Variants in NT5DC1 observed in about 807,000 individuals in gnomAD.
NT5DC1 encodes 5'-nucleotidase domain-containing protein 1.
In NT5DC1, 42 loss-of-function variants were observed where a neutral mutation model predicts 59.4. The observed-to-expected ratio is 0.71, with a 90% CI of 0.55 to 0.92. The LOEUF (loss-of-function observed/expected upper bound fraction) is 0.92, where lower values mean the gene tolerates loss of function less well. NT5DC1 is among the 40% of genes least tolerant of loss of function. The pLI, the probability that NT5DC1 is intolerant of heterozygous loss-of-function variation, is 0.00. For missense variants in NT5DC1, 501 were observed against 537.1 expected, an observed-to-expected ratio of 0.93 and a Z score of 0.66; for synonymous variants, 172 against 188.1, an observed-to-expected ratio of 0.91 and a Z score of 0.70.
chr6:116,249,144 T>C lies in NT5DC1; in HGVS notation c.*5120T>C, dbSNP rs1275465390. Reference sequence around the variant, plus strand: ...TTGTTAGAGGAATTTAGGATTAAGATGGATGTAGAGCTTGCAAAAGAAAAC... The same window carrying C: ...TTGTTAGAGGAATTTAGGATTAAGACGGATGTAGAGCTTGCAAAAGAAAAC... On this transcript the variant is annotated 3_prime_UTR_variant, in exon 12 of 12. Coordinates refer to ENST00000319550, the MANE Select transcript of NT5DC1 (RefSeq NM_152729.3). The C allele has an allele frequency of 6.7e-6, 1 of 149,850 alleles. No homozygotes were observed. Among genetic ancestry groups the C allele is most frequent in the Non-Finnish European group, 1.5e-5 (1 of 67,290 alleles). The allele number at this position is 149,850 out of a possible 1,614,324, so 9.3% of individuals were successfully genotyped here. A position where few individuals can be genotyped will look rare whatever the true frequency, so the allele number is the denominator to read the frequency against.
chr6:116,140,353 G>T (rs1432731248), intron 6 of NT5DC1, among the ~76,000 whole-genome samples: 1 of 151,976 alleles, frequency 6.6e-6, no homozygotes, highest in African/African-American at 2.4e-5. Context: ...GCTCTTCTGG[G>T]CACATCACAC....
At chr6:116,240,304 T>C (rs1344002808) in intron 11 of NT5DC1, among the ~76,000 whole-genome samples, 2 of 152,190 alleles carry the variant, frequency 1.3e-5, no homozygotes, top group Non-Finnish European at 2.9e-5. Flanking sequence ...AAAAAAATAA[T>C]AAAACAATAC....
chr6:116,125,412 C>T (rs769843417), intron 6 of NT5DC1: 12 of 1,613,532 alleles, frequency 7.4e-6, no homozygotes, highest in Middle Eastern at 1.6e-4. Context: ...TGCCTGTGGG[C>T]ATTTGGTATC....
chr6:116,154,773 G>A (rs557865204), intron 6 of NT5DC1, among the ~76,000 whole-genome samples: 3 of 152,226 alleles, frequency 2.0e-5, no homozygotes, highest in East Asian at 1.9e-4. Context: ...ACAAAGCACC[G>A]TTTGATTTGT....
chr6:116,236,677 T>G (rs539693031), intron 8 of NT5DC1, among the ~76,000 whole-genome samples: 1 of 152,326 alleles, frequency 6.6e-6, no homozygotes, highest in Admixed American at 6.5e-5. Context: ...AGCAGAGGCA[T>G]GATGTCAAGC....
At chr6:116,192,366 C>G (rs1199029597) in intron 6 of NT5DC1, among the ~76,000 whole-genome samples, 1 of 151,832 alleles carries the variant, frequency 6.6e-6, no homozygotes, top group Non-Finnish European at 1.5e-5. Flanking sequence ...TGGGTATACT[C>G]GAATATTCTT....
intron 11 of NT5DC1, among the ~76,000 whole-genome samples, chr6:116,241,839 C>G (rs1219463321): frequency 6.9e-6 from 1 of 145,600 alleles, no homozygotes; most frequent in Non-Finnish European, 1.5e-5. Context: ...AGGAGAATGG[C>G]ATGAACCCGG....
intron 6 of NT5DC1, among the ~76,000 whole-genome samples, chr6:116,183,202 C>T (rs1229834792): frequency 6.6e-6 from 1 of 152,050 alleles, no homozygotes; most frequent in Non-Finnish European, 1.5e-5. Context: ...GGCTTTATTT[C>T]TGGGTTCTCT....
intron 6 of NT5DC1, among the ~76,000 whole-genome samples, chr6:116,159,676 G>C (rs995030804): frequency 1.3e-5 from 2 of 152,120 alleles, no homozygotes; most frequent in Non-Finnish European, 2.9e-5. Context: ...GTTTGTTAAC[G>C]TGGGTATATT....
chr6:116,187,689 C>A (rs1255964527), intron 6 of NT5DC1, among the ~76,000 whole-genome samples: 1 of 151,912 alleles, frequency 6.6e-6, no homozygotes, highest in Non-Finnish European at 1.5e-5. Context: ...TCCCTACTCA[C>A]ATATTAGACA....
chr6:116,108,460 T>A (rs517352), intron 3 of NT5DC1, 25 bp downstream of exon 3: 888,551 of 1,422,064 alleles, frequency 0.62, 281,016 homozygotes, highest in South Asian at 0.79. Context: ...TTGTGAAGTC[T>A]AAACTTTACC....
intron 6 of NT5DC1, among the ~76,000 whole-genome samples, chr6:116,178,556 T>C (rs1249486512): frequency 1.3e-5 from 2 of 152,182 alleles, no homozygotes; most frequent in African/African-American, 4.8e-5. Context: ...TCATAACTAG[T>C]GTCAGCTGGT....
chr6:116,189,767 G>C (rs1466021877), intron 6 of NT5DC1, among the ~76,000 whole-genome samples: 1 of 151,850 alleles, frequency 6.6e-6, no homozygotes, highest in South Asian at 2.1e-4. Context: ...ATAGAAGATG[G>C]ATACAAAAAT....
chr6:116,156,870 C>G (rs1356494794), intron 6 of NT5DC1, among the ~76,000 whole-genome samples: 1 of 152,212 alleles, frequency 6.6e-6, no homozygotes, highest in East Asian at 1.9e-4. Flanking sequence ...CATCACAACT[C>G]TTGCCACAAC....
chr6:116,147,809 G>A (rs1779936423), intron 6 of NT5DC1, among the ~76,000 whole-genome samples: 1 of 152,170 alleles, frequency 6.6e-6, no homozygotes, highest in East Asian at 1.9e-4. Flanking sequence ...ACCATTGTTT[G>A]TAATAGCAGA....
intron 6 of NT5DC1, chr6:116,121,509 C>T: frequency 6.2e-7 from 1 of 1,614,156 alleles, no homozygotes; most frequent in Non-Finnish European, 8.5e-7. Flanking sequence ...CCTGGAAGAC[C>T]CCTCTCACCT....
intron 6 of NT5DC1, among the ~76,000 whole-genome samples, chr6:116,134,104 A>G (rs998605680): frequency 6.6e-6 from 1 of 152,218 alleles, no homozygotes; most frequent in Non-Finnish European, 1.5e-5. Flanking sequence ...GAAATGACAC[A>G]TAAGTGGCAA....
At chr6:116,198,493 G>C (rs544196231) in intron 6 of NT5DC1, among the ~76,000 whole-genome samples, 35 of 152,066 alleles carry the variant, frequency 2.3e-4, no homozygotes, top group African/African-American at 7.2e-4. Context: ...AGTTTGGGAG[G>C]CTGAGGCAGA....
intron 1 of NT5DC1, among the ~76,000 whole-genome samples, chr6:116,104,165 G>A (rs75037158): frequency 0.019 from 2,849 of 152,288 alleles, 88 homozygotes; most frequent in African/African-American, 0.064. Flanking sequence ...CAAACTGCAA[G>A]AAGCCTTCTG....
Sources: gnomAD v4.1 joint callset for allele counts (sites outside exome capture counted in the v4.1 genomes callset) on GRCh38, gnomAD v4.1.1 for gene constraint, MANE v1.5 for transcripts, NCBI Gene and HGNC (gene_info 2026-07-23, HGNC 2026-07-21) for gene names.